Variants in TMBIM4 observed in about 807,000 individuals in gnomAD.
TMBIM4 encodes the protein protein lifeguard 4.
A neutral mutation model predicts 27.7 loss-of-function variants in TMBIM4; 28 were observed. The observed-to-expected ratio is 1.01, with a 90% confidence interval of 0.75 to 1.38. TMBIM4 has a LOEUF of 1.38. Ranked by LOEUF, TMBIM4 falls within the 40% of genes most tolerant of loss-of-function variation. The pLI is 0.00. For synonymous variants in TMBIM4, 115 were observed against 113.1 expected, an observed-to-expected ratio of 1.02 and a Z score of -0.11; for missense variants, 265 against 277.5, an observed-to-expected ratio of 0.95 and a Z score of 0.32.
rs146154555 is a variant in TMBIM4, at chr12:66,165,157, T to G, written c.97+4698A>C. Among the ~76,000 whole-genome samples, 10 of 152,282 alleles carry G rather than the reference T, an allele frequency of 6.6e-5. No homozygotes were observed. The East Asian group carries it at 1.9e-3, about 29-fold the overall frequency. ...AGTAACCTACTTTGGGTAGATTTAATGCAATCCCTATCAAAATCCCAATGG... is the reference window on the plus strand; with the variant it reads ...AGTAACCTACTTTGGGTAGATTTAAGGCAATCCCTATCAAAATCCCAATGG... On this transcript the variant is annotated intron_variant, in intron 1 of 6. Transcript: ENST00000358230.
chr12:66,160,263 A>G (rs1299069090), intron 1 of TMBIM4: 4 of 702,954 alleles, frequency 5.7e-6, no homozygotes, highest in African/African-American at 5.2e-5. Flanking sequence ...TGCAGAAGGT[A>G]TCCTCATATA....
At chr12:66,160,131 T>A (rs1373246514) in intron 1 of TMBIM4, 2 of 696,976 alleles carry the variant, frequency 2.9e-6, no homozygotes, top group Non-Finnish European at 5.2e-6. Flanking sequence ...GCAACAGATA[T>A]CTTATGGCCC....
Position 66,160,246 on chromosome 12 carries a change from C to T in TMBIM4, c.98-6798G>A, listed in dbSNP as rs1372307952. 7 of 703,114 alleles carry T rather than the reference C, an allele frequency of 1.0e-5. No homozygotes were observed. The Admixed American group carries it at 1.2e-4, about 12-fold the overall frequency. 43.6% of individuals were successfully genotyped at this position (703,114 alleles called of 1,614,324 possible). ...AAAAATCTGATGATATTCAGTGTGG[C>T]TGAGGGTGCAGAAGGTATCCTCATA... On this transcript the variant is annotated intron_variant, in intron 1 of 6. Coordinates refer to ENST00000358230, the MANE Select transcript of TMBIM4 (RefSeq NM_016056.4).
Position 66,152,266 on chromosome 12 carries a change from C to T in TMBIM4, c.312+5G>A. On this transcript the variant is annotated splice_donor_5th_base_variant and intron_variant, in intron 3 of 6. Transcript: ENST00000358230. ...TAAGGGAATAGAGAAAGTCAGAGTA[C>T]TCACAAATCCAAAAAGTAGGTACAG... 6.4e-7 allele frequency: 1 copy of T among 1,551,742 alleles called. No individual in the cohort carries two copies. The highest frequency in any genetic ancestry group is 8.8e-7 in the Non-Finnish European group (1 of 1,138,134).
chr12:66,157,897 C>G (rs1050261852), intron 1 of TMBIM4, among the ~76,000 whole-genome samples: 3 of 152,090 alleles, frequency 2.0e-5, no homozygotes, highest in Admixed American at 6.6e-5. Flanking sequence ...GCTGCTTATA[C>G]TAAAATAGAA....
chr12:66,147,892 T>G lies in TMBIM4; in HGVS notation c.346+16A>C. 6.2e-7 allele frequency: 1 copy of G among 1,607,470 alleles called. No homozygotes were observed. The highest frequency in any genetic ancestry group is 8.5e-7 in the Non-Finnish European group (1 of 1,176,176). On this transcript the variant is annotated intron_variant, in intron 4 of 6. Transcript: ENST00000358230. The stretch of plus-strand genomic sequence containing the variant: ...AAAAAGTTATTATAACATATAGAAA[T>G]GCAGTTACGGCTTACCAACAACTGC...
At chr12:66,168,391 A>G (rs897541503) in intron 1 of TMBIM4, among the ~76,000 whole-genome samples, 2 of 152,160 alleles carry the variant, frequency 1.3e-5, no homozygotes, top group Admixed American at 6.5e-5. Context: ...TGGGGGAAGG[A>G]AGGAATGGGG....
intron 1 of TMBIM4, among the ~76,000 whole-genome samples, chr12:66,158,793 C>G (rs1406270387): frequency 6.6e-6 from 1 of 152,190 alleles, no homozygotes; most frequent in African/African-American, 2.4e-5. Flanking sequence ...ACAAGACACC[C>G]ACTAAGTTTT....
chr12:66,165,696 A>G (rs1448250153), intron 1 of TMBIM4, among the ~76,000 whole-genome samples: 2 of 152,124 alleles, frequency 1.3e-5, no homozygotes, highest in Non-Finnish European at 2.9e-5. Flanking sequence ...ACAGTCCTTT[A>G]TTAGATATAT....
chr12:66,159,157 G>A (rs34552143), intron 1 of TMBIM4, among the ~76,000 whole-genome samples: 11,131 of 152,284 alleles, frequency 0.073, 845 homozygotes, highest in East Asian at 0.44. Context: ...CTCCCCTTGA[G>A]TATGGACTGG....
intron 5 of TMBIM4, among the ~76,000 whole-genome samples, chr12:66,144,495 G>C (rs1197710993): frequency 6.6e-6 from 1 of 152,064 alleles, no homozygotes. Flanking sequence ...GGGCAGAGAA[G>C]AACCATCCCT....
chr12:66,163,660 G>A (rs796677178), intron 1 of TMBIM4, among the ~76,000 whole-genome samples: 16 of 152,314 alleles, frequency 1.1e-4, no homozygotes, highest in African/African-American at 2.9e-4. Flanking sequence ...TGGGGATGAT[G>A]GGAATGACAA....
intron 1 of TMBIM4, chr12:66,169,634 G>T: frequency 2.2e-6 from 1 of 457,332 alleles, no homozygotes; most frequent in Non-Finnish European, 3.8e-6. Context: ...TTCTGGGCCT[G>T]GCGCCCTCCC....
chr12:66,169,805 C>A, intron 1 of TMBIM4, 50 bp downstream of exon 1: 1 of 1,394,734 alleles, frequency 7.2e-7, no homozygotes, highest in Middle Eastern at 1.8e-4. Context: ...TTCTAGAGGC[C>A]GAGCAGTGCA....
At position 66,136,229 on chromosome 12, in the gene TMBIM4, A is replaced by C. The variant is rs1239957915; in HGVS notation, c.*1731T>G. ...TCCCATTATGAAGATGAGGCAGAAG[A>C]CCTAAGGAAGGATAAATAATTCGCC... On this transcript the variant is annotated 3_prime_UTR_variant, in exon 7 of 7. Coordinates refer to ENST00000358230, the MANE Select transcript of TMBIM4 (RefSeq NM_016056.4). 6.6e-6 allele frequency: 1 copy of C among 152,202 alleles called. No homozygotes were observed. The highest frequency in any genetic ancestry group is 2.1e-4 in the South Asian group (1 of 4,828). 9.4% of individuals were successfully genotyped at this position (152,202 alleles called of 1,614,324 possible).
intron 5 of TMBIM4, among the ~76,000 whole-genome samples, chr12:66,140,113 T>C (rs1330743577): frequency 6.6e-6 from 1 of 151,960 alleles, no homozygotes. Context: ...AATAAAAAAT[T>C]ATAAAGGCAT....
In TMBIM4 at chr12:66,152,262, A is replaced by C; in HGVS notation, c.312+9T>G. On this transcript the variant is annotated intron_variant, in intron 3 of 6. Transcript: ENST00000358230. Reference sequence around the variant, plus strand: ...TTGTTAAGGGAATAGAGAAAGTCAGAGTACTCACAAATCCAAAAAGTAGGT... The same window carrying C: ...TTGTTAAGGGAATAGAGAAAGTCAGCGTACTCACAAATCCAAAAAGTAGGT... The C allele has an allele frequency of 6.6e-7, 1 of 1,520,650 alleles. No homozygotes were observed. The highest frequency in any genetic ancestry group is 9.0e-7 in the Non-Finnish European group (1 of 1,110,788). The allele number at this position is 1,520,650 out of a possible 1,614,324, so 94.2% of individuals were successfully genotyped here. A position where few individuals can be genotyped will look rare whatever the true frequency, so the allele number is the denominator to read the frequency against.
rs765130742 is a variant in TMBIM4, at chr12:66,144,431, C to T, written c.464+1410G>A. On this transcript the variant is annotated intron_variant, in intron 5 of 6. Transcript: ENST00000358230. ...AATCATAGTACTGTAGCTGAATTTGCCCAACTACAAGAAAAGTCATCAATG... is the reference window on the plus strand; with the variant it reads ...AATCATAGTACTGTAGCTGAATTTGTCCAACTACAAGAAAAGTCATCAATG... Among the ~76,000 whole-genome samples the T allele has an allele frequency of 2.6e-5, 4 of 152,172 alleles. No individual in the cohort carries two copies. In the South Asian group the frequency reaches 8.3e-4, roughly 32 times the overall value.
At chr12:66,166,396 T>C (rs1199570367) in intron 1 of TMBIM4, among the ~76,000 whole-genome samples, 1 of 149,452 alleles carries the variant, frequency 6.7e-6, no homozygotes, top group African/African-American at 2.5e-5. Flanking sequence ...GCCTGGGACA[T>C]TGAGGCTGCA....
Sources: gnomAD v4.1 joint callset for allele counts (sites outside exome capture counted in the v4.1 genomes callset) on GRCh38, gnomAD v4.1.1 for gene constraint, MANE v1.5 for transcripts, NCBI Gene and HGNC (gene_info 2026-07-23, HGNC 2026-07-21) for gene names.